The following OR5AN1 variants were observed in gnomAD, a reference collection of about 807,000 sequenced individuals.
OR5AN1 encodes the protein olfactory receptor family 5 subfamily AN member 1.
For synonymous variants in OR5AN1, 167 were observed against 131.8 expected, an observed-to-expected ratio of 1.27 and a Z score of -1.83; for missense variants, 476 against 368.9, an observed-to-expected ratio of 1.29 and a Z score of -2.38.
rs1243353184 is a variant in OR5AN1 at position 59,368,560 on chromosome 11, G to C, written c.*3166G>C. On this transcript the variant is annotated 3_prime_UTR_variant, in exon 2 of 2. Coordinates refer to ENST00000641998, the MANE Select transcript of OR5AN1 (RefSeq NM_001004729.2). ...AGAAGAGGCTGGTCTGTCTCCCACG[G>C]GTCCCACACACCCCCCACCACTCAT... 1 of 152,452 alleles carries C rather than the reference G, an allele frequency of 6.6e-6. No homozygotes were observed. Among genetic ancestry groups the C allele is most frequent in the Non-Finnish European group, 1.5e-5 (1 of 68,296 alleles). The allele number at this position is 152,452 out of a possible 1,614,324, so 9.4% of individuals were successfully genotyped here. A position where few individuals can be genotyped will look rare whatever the true frequency, so the allele number is the denominator to read the frequency against.
In OR5AN1 at chr11:59,365,300, T is replaced by C; in HGVS notation, c.842T>C (p.Val281Ala). ...AGATTTGCATCTGTTTTCTACACTGTGGTCATTCCCATGTTAAATCCCTTG... is the reference window on the plus strand; with the variant it reads ...AGATTTGCATCTGTTTTCTACACTGCGGTCATTCCCATGTTAAATCCCTTG... The part of the protein sequence containing the change: ...FDRFASVFYT[V>A]VIPMLNPLIY... Residue 281 changes from valine (V) to alanine (A), a missense_variant, in exon 2 of 2, where the codon GTG (valine) becomes GCG (alanine). By Grantham distance (64) the Val-to-Ala change is moderately conservative. Transcript: ENST00000641998. 1 of 1,612,854 alleles carries C rather than the reference T, an allele frequency of 6.2e-7. No individual in the cohort carries two copies. The highest frequency in any genetic ancestry group is 8.5e-7 in the Non-Finnish European group (1 of 1,179,062).
chr11:59,360,507 C>T (rs1857451353), intron 1 of OR5AN1, among the ~76,000 whole-genome samples: 1 of 151,784 alleles, frequency 6.6e-6, no homozygotes, highest in South Asian at 2.1e-4. Context: ...TGGTGGTTTT[C>T]TGCGCCTATC....
In OR5AN1 at chr11:59,365,577, C is replaced by G. The variant is rs1332200019; in HGVS notation, c.*183C>G. 1 of 506,680 alleles carries G rather than the reference C, an allele frequency of 2.0e-6. No homozygotes were observed. Among genetic ancestry groups the G allele is most frequent in the African/African-American group, 1.9e-5 (1 of 51,322 alleles). The allele number at this position is 506,680 out of a possible 1,614,324, so 31.4% of individuals were successfully genotyped here. On this transcript the variant is annotated 3_prime_UTR_variant, in exon 2 of 2. Coordinates refer to ENST00000641998, the MANE Select transcript of OR5AN1 (RefSeq NM_001004729.2). ...ACAGATGACTCAATGCCACAGACAT[C>G]AGGATCTTTAGGTCCTGGAGGTTCA...
rs1857589516 is a variant in OR5AN1, at chr11:59,371,004, G to A, written c.*5610G>A. The A allele has an allele frequency of 6.6e-6, 1 of 151,958 alleles. No homozygotes were observed. Among genetic ancestry groups the A allele is most frequent in the African/African-American group, 2.4e-5 (1 of 41,364 alleles). 9.4% of individuals were successfully genotyped at this position (151,958 alleles called of 1,614,324 possible). On this transcript the variant is annotated 3_prime_UTR_variant, in exon 2 of 2. Coordinates refer to ENST00000641998, the MANE Select transcript of OR5AN1 (RefSeq NM_001004729.2). ...TCTTGTAGGCTTTTTCTTTTCACAT[G>A]TCCATGTGTTATCTACACACAATTG...
intron 1 of OR5AN1, among the ~76,000 whole-genome samples, chr11:59,360,675 T>C (rs970270016): frequency 6.6e-6 from 1 of 152,174 alleles, no homozygotes; most frequent in African/African-American, 2.4e-5. Flanking sequence ...AGTGAGAAGA[T>C]ATAGTGTTTG....
Position 59,365,078 on chromosome 11 carries a change from T to G in OR5AN1, c.620T>G (p.Phe207Cys), listed in dbSNP as rs374826939. ...QVMTAILTMF[F>C]GIASALVIMI... ...ATGACTGCTATATTAACCATGTTCT[T>G]TGGGATAGCAAGTGCCCTAGTTATC... Residue 207 changes from phenylalanine (F) to cysteine (C), a missense_variant, in exon 2 of 2, where the codon TTT (phenylalanine) becomes TGT (cysteine). Physicochemically the swap from Phe to Cys is radical, Grantham distance 205 (BLOSUM62 -2). Coordinates refer to ENST00000641998, the MANE Select transcript of OR5AN1 (RefSeq NM_001004729.2). 2 of 1,614,046 alleles carry G rather than the reference T, an allele frequency of 1.2e-6. No individual in the cohort carries two copies. Among genetic ancestry groups the G allele is most frequent in the African/African-American group, 2.7e-5 (2 of 74,936 alleles).
At chr11:59,364,308 G>C in intron 1 of OR5AN1, 138 bp from the exon 2 acceptor site, 1 of 578,578 alleles carries the variant, frequency 1.7e-6, no homozygotes, top group Non-Finnish European at 3.0e-6. Flanking sequence ...GAAAGGCTGG[G>C]GTCTTTCCAT....
At chr11:59,364,424 C>A in intron 1 of OR5AN1, 22 bp from the exon 2 acceptor site, 1 of 1,450,830 alleles carries the variant, frequency 6.9e-7, no homozygotes, top group South Asian at 1.3e-5. Flanking sequence ...AATCCATTCT[C>A]TTGTCTCCTT....
rs1260450871 is a variant in OR5AN1 at position 59,368,972 on chromosome 11, G to A, written c.*3578G>A. 6.6e-6 allele frequency: 1 copy of A among 152,176 alleles called. No individual in the cohort carries two copies. Among genetic ancestry groups the A allele is most frequent in the Non-Finnish European group, 1.5e-5 (1 of 68,066 alleles). The allele number at this position is 152,176 out of a possible 1,614,324, so 9.4% of individuals were successfully genotyped here. A position where few individuals can be genotyped will look rare whatever the true frequency, so the allele number is the denominator to read the frequency against. ...CCTGTAAGCCTAGGTATCACCTACTGAATCACACCTCAAAACTTCAACACC... is the reference window on the plus strand; with the variant it reads ...CCTGTAAGCCTAGGTATCACCTACTAAATCACACCTCAAAACTTCAACACC... On this transcript the variant is annotated 3_prime_UTR_variant, in exon 2 of 2. Transcript: ENST00000641998.
At chr11:59,362,228 C>A (rs987008174) in intron 1 of OR5AN1, among the ~76,000 whole-genome samples, 10 of 152,132 alleles carry the variant, frequency 6.6e-5, no homozygotes, top group African/African-American at 2.4e-4. Flanking sequence ...TTCCCCCATT[C>A]ATCAACTGTC....
chr11:59,365,250 C>T lies in OR5AN1; in HGVS notation c.792C>T (p.Ser264=). The stretch of plus-strand genomic sequence containing the variant: ...GAATCTTTGTCTATTTGAGTTCCAG[C>T]TCTGGAGGTTCTTCAAGCTTTGACA... The part of the protein sequence containing the change: ...TSGIFVYLSS[S]SGGSSSFDRF... Residue 264 remains serine (S), a synonymous_variant, in exon 2 of 2, where the codon AGC becomes AGT. Transcript: ENST00000641998. 2 of 1,614,018 alleles carry T rather than the reference C, an allele frequency of 1.2e-6. No homozygotes were observed. The highest frequency in any genetic ancestry group is 1.1e-5 in the South Asian group (1 of 91,082).
At chr11:59,363,626 G>A (rs1185208748) in intron 1 of OR5AN1, among the ~76,000 whole-genome samples, 1 of 152,138 alleles carries the variant, frequency 6.6e-6, no homozygotes, top group Non-Finnish European at 1.5e-5. Context: ...TAAAATAGGA[G>A]AAGTTATTAT....
At position 59,369,484 on chromosome 11, in the gene OR5AN1, T is replaced by C. The variant is rs1160914565; in HGVS notation, c.*4090T>C. On this transcript the variant is annotated 3_prime_UTR_variant, in exon 2 of 2. Transcript: ENST00000641998. ...AAGAATTCCACAATGCAATCAAAAG[T>C]ATTAAGAGCAGAATAAACCAAGCTG... 1 of 152,002 alleles carries C rather than the reference T, an allele frequency of 6.6e-6. No individual in the cohort carries two copies. Among genetic ancestry groups the C allele is most frequent in the South Asian group, 2.1e-4 (1 of 4,828 alleles). The allele number at this position is 152,002 out of a possible 1,614,324, so 9.4% of individuals were successfully genotyped here. A position where few individuals can be genotyped will look rare whatever the true frequency, so the allele number is the denominator to read the frequency against.
rs1590585931 is a variant in OR5AN1, at chr11:59,371,413, A to G, written c.*6019A>G. 6.6e-6 allele frequency: 1 copy of G among 152,226 alleles called. No homozygotes were observed. Among genetic ancestry groups the G allele is most frequent in the East Asian group, 1.9e-4 (1 of 5,196 alleles). The allele number at this position is 152,226 out of a possible 1,614,324, so 9.4% of individuals were successfully genotyped here. A position where few individuals can be genotyped will look rare whatever the true frequency, so the allele number is the denominator to read the frequency against. On this transcript the variant is annotated 3_prime_UTR_variant, in exon 2 of 2. Transcript: ENST00000641998. ...AAAAAAAAGACAAAATAAGGATTGG[A>G]AAACTGCAGAATGTTTAAATTTGTT...
At position 59,371,706 on chromosome 11, in the gene OR5AN1, G is replaced by T. The variant is rs922929498; in HGVS notation, c.*6312G>T. 1.3e-5 allele frequency: 2 copies of T among 152,228 alleles called. No homozygotes were observed. Among genetic ancestry groups the T allele is most frequent in the Non-Finnish European group, 2.9e-5 (2 of 68,036 alleles). The allele number at this position is 152,228 out of a possible 1,614,324, so 9.4% of individuals were successfully genotyped here. A position where few individuals can be genotyped will look rare whatever the true frequency, so the allele number is the denominator to read the frequency against. ...ATTATAGGATAGGCAACAGATAAAG[G>T]TATGAAGTCATAAAGGAAAGAATTT... On this transcript the variant is annotated 3_prime_UTR_variant, in exon 2 of 2. Transcript: ENST00000641998.
At chr11:59,360,581 C>T (rs1857451985) in intron 1 of OR5AN1, among the ~76,000 whole-genome samples, 3 of 152,256 alleles carry the variant, frequency 2.0e-5, no homozygotes, top group Admixed American at 6.5e-5. Context: ...TCTCCCTCCC[C>T]TCACTCCACC....
chr11:59,362,081 A>G (rs1225058861), intron 1 of OR5AN1, among the ~76,000 whole-genome samples: 1 of 152,086 alleles, frequency 6.6e-6, no homozygotes, highest in Admixed American at 6.6e-5. Context: ...TAAAAAGCAC[A>G]TAATTTTTCT....
At position 59,369,510 on chromosome 11, in the gene OR5AN1, A is replaced by C. The variant is rs1222316240; in HGVS notation, c.*4116A>C. 1 of 152,228 alleles carries C rather than the reference A, an allele frequency of 6.6e-6. No homozygotes were observed. Among genetic ancestry groups the C allele is most frequent in the African/African-American group, 2.4e-5 (1 of 41,458 alleles). 9.4% of individuals were successfully genotyped at this position (152,228 alleles called of 1,614,324 possible). A position where few individuals can be genotyped will look rare whatever the true frequency, so the allele number is the denominator to read the frequency against. ...ATTAAGAGCAGAATAAACCAAGCTG[A>C]GGAAACAATCTCAGAACTTGATGCT... On this transcript the variant is annotated 3_prime_UTR_variant, in exon 2 of 2. Coordinates refer to ENST00000641998, the MANE Select transcript of OR5AN1 (RefSeq NM_001004729.2).
At position 59,364,796 on chromosome 11, in the gene OR5AN1, C is replaced by T; in HGVS notation, c.338C>T (p.Ser113Phe). The change falls in exon 2 of 2, where the codon TCT (serine) becomes TTT (phenylalanine). Residue 113 changes from serine to phenylalanine, a missense_variant. Coordinates refer to ENST00000641998, the MANE Select transcript of OR5AN1 (RefSeq NM_001004729.2). ...FIFSTMGLSE[S>F]CLMTAMAYDR... is the part of the protein sequence containing the mutation. The stretch of plus-strand genomic sequence containing the variant: ...TTTTCAACGATGGGACTGAGTGAGT[C>T]TTGTCTCATGACAGCCATGGCTTAT... 1 of 1,614,050 alleles carries T rather than the reference C, an allele frequency of 6.2e-7. No individual in the cohort carries two copies. The highest frequency in any genetic ancestry group is 1.3e-5 in the African/African-American group (1 of 75,050).
Sources: gnomAD v4.1 joint callset for allele counts (sites outside exome capture counted in the v4.1 genomes callset) on GRCh38, gnomAD v4.1.1 for gene constraint, MANE v1.5 for transcripts, NCBI Gene and HGNC (gene_info 2026-07-23, HGNC 2026-07-21) for gene names.